The following MYO10 variants were observed in gnomAD, a reference collection of about 807,000 sequenced individuals.
The protein encoded by MYO10 is unconventional myosin-X.
Under a neutral mutation model 257.3 loss-of-function variants are expected in MYO10, and 133 were observed. That is an observed-to-expected ratio of 0.52 (90% confidence interval 0.45 to 0.60). MYO10 has a LOEUF of 0.60. Among genes scored for constraint, MYO10 ranks in the 20% least tolerant of loss-of-function variants. The pLI is 0.00. For missense variants in MYO10, 2,399 were observed against 2,635.7 expected, an observed-to-expected ratio of 0.91 and a Z score of 1.97; for synonymous variants, 1,104 against 1,028.6, an observed-to-expected ratio of 1.07 and a Z score of -1.40.
At chr5:16,754,607 A>T (rs529048374) in intron 19 of MYO10, among the ~76,000 whole-genome samples, 1 of 152,178 alleles carries the variant, frequency 6.6e-6, no homozygotes, top group Non-Finnish European at 1.5e-5. Context: ...TTCCTTTTCA[A>T]ATAGATGTCC....
At chr5:16,715,948 T>C (rs1388672872) in intron 19 of MYO10, among the ~76,000 whole-genome samples, 1 of 151,538 alleles carries the variant, frequency 6.6e-6, no homozygotes, top group East Asian at 2.0e-4. Flanking sequence ...CCCAGCTACT[T>C]GGGAAGTTGA....
Position 16,681,855 on chromosome 5 carries a change from C to G in MYO10, c.4189+16G>C, listed in dbSNP as rs747024193. ...GAGTCTGTTAAGCAGACCGAGGAAGCAGGGCAGGCAGTCACCTCTCACGAT... is the reference window on the plus strand; with the variant it reads ...GAGTCTGTTAAGCAGACCGAGGAAGGAGGGCAGGCAGTCACCTCTCACGAT... On this transcript the variant is annotated intron_variant, in intron 31 of 40. Coordinates refer to ENST00000513610, the MANE Select transcript of MYO10 (RefSeq NM_012334.3). The G allele has an allele frequency of 2.0e-5, 33 of 1,611,806 alleles. No homozygotes were observed. Among genetic ancestry groups the G allele is most frequent in the Non-Finnish European group, 5.1e-6 (6 of 1,178,786 alleles).
At chr5:16,790,639 G>A (rs1004064460) in intron 4 of MYO10, among the ~76,000 whole-genome samples, 25 of 152,000 alleles carry the variant, frequency 1.6e-4, no homozygotes, top group African/African-American at 5.8e-4. Context: ...GCTTCTCCTT[G>A]CCTTCCACCA....
chr5:16,917,385 A>G (rs552806641), intron 1 of MYO10, among the ~76,000 whole-genome samples: 3 of 152,274 alleles, frequency 2.0e-5, no homozygotes, highest in Admixed American at 6.5e-5. Context: ...ATCAATCTTC[A>G]TTGTGGGGGC....
At chr5:16,687,128 C>A (rs1328101860) in intron 28 of MYO10, among the ~76,000 whole-genome samples, 1 of 151,792 alleles carries the variant, frequency 6.6e-6, no homozygotes, top group African/African-American at 2.4e-5. Context: ...TTGAGACCAG[C>A]CTGGGAAATT....
intron 1 of MYO10, among the ~76,000 whole-genome samples, chr5:16,889,179 T>TA (rs1744973106): frequency 2.2e-5 from 2 of 92,800 alleles, no homozygotes; most frequent in South Asian, 5.9e-4. Context: ...CCTCAAAATT[T>TA]AAAAAAATTT....
intron 15 of MYO10, 74 bp from the exon 16 acceptor site, chr5:16,762,187 A>G (rs1272728500): frequency 2.0e-5 from 29 of 1,428,602 alleles, no homozygotes; most frequent in Admixed American, 3.1e-5. Flanking sequence ...TGACTTCCAG[A>G]GAACACTAAA....
intron 2 of MYO10, among the ~76,000 whole-genome samples, chr5:16,856,438 T>A (rs1743961679): frequency 6.6e-6 from 1 of 151,710 alleles, no homozygotes; most frequent in Non-Finnish European, 1.5e-5. Context: ...TAATCCCAGC[T>A]ACTCAGGAGG....
intron 3 of MYO10, among the ~76,000 whole-genome samples, chr5:16,813,956 G>A (rs1742520207): frequency 6.6e-6 from 1 of 152,142 alleles, no homozygotes; most frequent in South Asian, 2.1e-4. Context: ...ACAGCCCTCA[G>A]GTGACAGTCA....
At chr5:16,785,651 C>G (rs1339033189) in intron 4 of MYO10, among the ~76,000 whole-genome samples, 1 of 152,200 alleles carries the variant, frequency 6.6e-6, no homozygotes, top group African/African-American at 2.4e-5. Flanking sequence ...GGGTGGATTA[C>G]TTGAGGTCAG....
Position 16,783,382 on chromosome 5 carries a change from G to A in MYO10, c.555C>T (p.Ser185=), listed in dbSNP as rs1181019028. The A allele has an allele frequency of 1.9e-6, 3 of 1,604,670 alleles. No individual in the cohort carries two copies. Among genetic ancestry groups the A allele is most frequent in the Non-Finnish European group, 1.7e-6 (2 of 1,175,522 alleles). ...SVISQQSLEL[S]LKEKTSCVER... ...CAACACAGGATGTCTTCTCCTTTAA[G>A]GACAATTCCAAAGACTGTTGACTGA... is the stretch of plus-strand genomic sequence containing the variant. Residue 185 remains serine, a synonymous_variant, in exon 5 of 41, where the codon TCC becomes TCT. Transcript: ENST00000513610.
At chr5:16,835,973 C>G (rs1743301490) in intron 2 of MYO10, among the ~76,000 whole-genome samples, 1 of 152,054 alleles carries the variant, frequency 6.6e-6, no homozygotes, top group Admixed American at 6.5e-5. Flanking sequence ...TCTATGAAAG[C>G]AAAGGATGTA....
chr5:16,695,963 G>T (rs1230300627), intron 26 of MYO10, among the ~76,000 whole-genome samples: 1 of 152,054 alleles, frequency 6.6e-6, no homozygotes, highest in Non-Finnish European at 1.5e-5. Context: ...ACTTGCCAAC[G>T]GCTACCAGAA....
At chr5:16,845,636 G>A (rs1016597060) in intron 2 of MYO10, among the ~76,000 whole-genome samples, 2 of 152,130 alleles carry the variant, frequency 1.3e-5, no homozygotes, top group African/African-American at 4.8e-5. Context: ...ATGACATGGT[G>A]AGACCCTGTC....
At chr5:16,704,732 A>C (rs1351820324) in intron 21 of MYO10, 47 bp from the exon 22 acceptor site, 1 of 1,457,470 alleles carries the variant, frequency 6.9e-7, no homozygotes, top group Admixed American at 1.7e-5. Flanking sequence ...CATGGCCAGC[A>C]GAAGGAAGGC....
chr5:16,696,811 G>A (rs1468303257), intron 26 of MYO10, among the ~76,000 whole-genome samples: 5 of 144,912 alleles, frequency 3.5e-5, no homozygotes, highest in Non-Finnish European at 5.9e-5. Context: ...AGCCGAGTTC[G>A]CACCACTGCA....
At chr5:16,703,593 C>G (rs2126558063) in intron 22 of MYO10, among the ~76,000 whole-genome samples, 1 of 152,190 alleles carries the variant, frequency 6.6e-6, no homozygotes, top group Middle Eastern at 3.4e-3. Flanking sequence ...GAGAAGTTGC[C>G]TCAGGCCAGG....
chr5:16,662,189 C>A lies in MYO10; in HGVS notation c.*4503G>T, dbSNP rs1027005404. ...AGGGATTTTCAAATTAATTAAAGCG[C>A]TTATTTTTATACCCAATACACACAA... On this transcript the variant is annotated 3_prime_UTR_variant, in exon 41 of 41. Coordinates refer to ENST00000513610, the MANE Select transcript of MYO10 (RefSeq NM_012334.3). The A allele has an allele frequency of 6.6e-6, 1 of 151,802 alleles. No individual in the cohort carries two copies. Among genetic ancestry groups the A allele is most frequent in the Non-Finnish European group, 1.5e-5 (1 of 68,012 alleles). 9.4% of individuals were successfully genotyped at this position (151,802 alleles called of 1,614,324 possible). A position where few individuals can be genotyped will look rare whatever the true frequency, so the allele number is the denominator to read the frequency against.
chr5:16,896,537 G>A (rs1489389804), intron 1 of MYO10, among the ~76,000 whole-genome samples: 1 of 152,112 alleles, frequency 6.6e-6, no homozygotes, highest in Non-Finnish European at 1.5e-5. Flanking sequence ...AGGCTGCAGT[G>A]AGCCGAGATC....
Sources: allele counts gnomAD v4.1 joint callset (sites outside exome capture counted in the v4.1 genomes callset), GRCh38; gene constraint gnomAD v4.1.1; transcripts MANE v1.5; gene names NCBI Gene and HGNC (gene_info 2026-07-23, HGNC 2026-07-21).